The following KATNB1 variants were observed in gnomAD, a reference collection of about 807,000 sequenced individuals.
KATNB1 encodes katanin regulatory subunit B1.
Under a neutral mutation model 82.3 loss-of-function variants are expected in KATNB1, and 38 were observed. The observed-to-expected ratio is 0.46, with a 90% CI of 0.36 to 0.61. The LOEUF is 0.61. KATNB1 is among the 20% of genes least tolerant of loss of function. KATNB1 has a pLI of 0.00. For missense variants in KATNB1, 749 were observed against 915.7 expected (o/e 0.82, Z 2.35); for synonymous variants, 361 against 368.7 (o/e 0.98, Z 0.24).
chr16:57,752,022 A>G lies in KATNB1; in HGVS notation c.599A>G (p.Asn200Ser), dbSNP rs2049232571. 1.9e-6 allele frequency: 3 copies of G among 1,612,848 alleles called. No individual in the cohort carries two copies. Among genetic ancestry groups the G allele is most frequent in the Non-Finnish European group, 2.5e-6 (3 of 1,179,878 alleles). ...GTCAACGTGGTCGAGTTTCACCCCA[A>G]CGAGTACCTCCTGGCCTCCGGCAGC... The part of the protein sequence containing the change: ...GPVNVVEFHP[N>S]EYLLASGSSD... Residue 200 changes from asparagine (N) to serine (S), a missense_variant, in exon 8 of 20, where the codon AAC becomes AGC. Asn to Ser is a conservative substitution (Grantham distance 46, BLOSUM62 1). Transcript: ENST00000379661.
rs1180268155 is a variant in KATNB1 at position 57,755,084 on chromosome 16, C to A, written c.1297-35C>A. On this transcript the variant is annotated intron_variant, in intron 14 of 19. Coordinates refer to ENST00000379661, the MANE Select transcript of KATNB1 (RefSeq NM_005886.3). ...TGCCTCGGGAGGCAGAGAGGGAGGC[C>A]CCAGGCCGGCAACCGCTGAGTTTCA... The A allele has an allele frequency of 5.6e-6, 9 of 1,612,944 alleles. No homozygotes were observed. The African/African-American group carries it at 6.7e-5, about 12-fold the overall frequency.
Position 57,755,348 on chromosome 16 carries a change from G to A in KATNB1, c.1420G>A (p.Val474Met), listed in dbSNP as rs377707580. The change falls in exon 16 of 20, where the codon GTG (valine) becomes ATG (methionine). Residue 474 changes from valine to methionine, a missense_variant. Physicochemically the swap from Val to Met is conservative, Grantham distance 21 (BLOSUM62 1). Transcript: ENST00000379661. ...TCTGGGTGTCCATCCCACGCAGGCC[G>A]TGAAGATCCCCCAGCAGGCCGAGCT... ...GLKASDFLPAVKIPQQAELVD... is the reference protein window; with the variant it reads ...GLKASDFLPAMKIPQQAELVD... 22 of 1,612,988 alleles carry A rather than the reference G, an allele frequency of 1.4e-5. No homozygotes were observed. The highest frequency in any genetic ancestry group is 1.6e-4 in the Middle Eastern group (1 of 6,084).
chr16:57,741,930 C>T, intron 3 of KATNB1, 113 bp downstream of exon 3: 2 of 1,282,080 alleles, frequency 1.6e-6, no homozygotes, highest in Admixed American at 2.0e-5. Flanking sequence ...GCCCAGGGCC[C>T]CCTATCCGCT....
intron 4 of KATNB1, among the ~76,000 whole-genome samples, chr16:57,744,846 G>T (rs960997122): frequency 6.6e-6 from 1 of 152,084 alleles, no homozygotes; most frequent in Non-Finnish European, 1.5e-5. Flanking sequence ...GGCCCTGCAG[G>T]TCACATGAAT....
At chr16:57,755,278 T>C (rs782365023) in intron 15 of KATNB1, 40 bp downstream of exon 15, 7 of 1,610,616 alleles carry the variant, frequency 4.3e-6, no homozygotes, top group East Asian at 2.2e-5. Flanking sequence ...TGGAGGTCTG[T>C]GGGTGGAGGG....
chr16:57,752,724 G>T, intron 9 of KATNB1, 54 bp from the exon 10 acceptor site: 1 of 1,587,352 alleles, frequency 6.3e-7, no homozygotes, highest in South Asian at 1.1e-5. Context: ...ATTCCTCGGG[G>T]TGGGGACCAG....
At chr16:57,746,976 G>A (rs534796339) in intron 4 of KATNB1, among the ~76,000 whole-genome samples, 2 of 152,302 alleles carry the variant, frequency 1.3e-5, no homozygotes, top group Non-Finnish European at 2.9e-5. Flanking sequence ...CTGTCTCCCA[G>A]GTTTAAGCGA....
In KATNB1 at chr16:57,757,068, G is replaced by T; in HGVS notation, c.*122G>T. 1 of 1,153,700 alleles carries T rather than the reference G, an allele frequency of 8.7e-7. No homozygotes were observed. The highest frequency in any genetic ancestry group is 1.1e-6 in the Non-Finnish European group (1 of 877,050). The allele number at this position is 1,153,700 out of a possible 1,614,324, so 71.5% of individuals were successfully genotyped here. ...TGGCCCCTGCTGCTGTCCTGTGGCC[G>T]TCCTGGAGGAGGTGATGCTGGTCCC... On this transcript the variant is annotated 3_prime_UTR_variant, in exon 20 of 20. Coordinates refer to ENST00000379661, the MANE Select transcript of KATNB1 (RefSeq NM_005886.3).
rs373904702 is a variant in KATNB1 at position 57,750,938 on chromosome 16, G to A, written c.390+11G>A. The A allele has an allele frequency of 7.2e-5, 116 of 1,606,118 alleles. No homozygotes were observed. The highest frequency in any genetic ancestry group is 3.1e-4 in the East Asian group (14 of 44,844). Reference sequence around the variant, plus strand: ...GACACAAACATCAAGGTGAGAGGCCGGTCCGTGCCCCGTGTCTCCTGCTGG... The same window carrying A: ...GACACAAACATCAAGGTGAGAGGCCAGTCCGTGCCCCGTGTCTCCTGCTGG... On this transcript the variant is annotated intron_variant, in intron 5 of 19. Coordinates refer to ENST00000379661, the MANE Select transcript of KATNB1 (RefSeq NM_005886.3).
chr16:57,744,541 G>T (rs532712238), intron 4 of KATNB1, 30 bp downstream of exon 4: 31 of 1,525,778 alleles, frequency 2.0e-5, no homozygotes, highest in Non-Finnish European at 2.7e-5. Flanking sequence ...TCCTGTGCAC[G>T]CACACCTGCC....
At chr16:57,736,796 T>A in intron 1 of KATNB1, 182 bp from the exon 2 acceptor site, 1 of 353,358 alleles carries the variant, frequency 2.8e-6, no homozygotes, top group East Asian at 7.2e-5. Context: ...TTTCCTTACG[T>A]TCCAAATCAC....
chr16:57,748,661 G>A (rs1555582214), intron 4 of KATNB1, among the ~76,000 whole-genome samples: 1 of 152,116 alleles, frequency 6.6e-6, no homozygotes, highest in East Asian at 1.9e-4. Context: ...ATTGAATGTA[G>A]GCATCAGAGG....
At chr16:57,754,844 A>G in intron 13 of KATNB1, 86 bp from the exon 14 acceptor site, 1 of 1,377,636 alleles carries the variant, frequency 7.3e-7, no homozygotes, top group Non-Finnish European at 1.0e-6. Flanking sequence ...CCCATTGCAG[A>G]TGCTGCCCAG....
At chr16:57,756,538 C>T in intron 19 of KATNB1, 66 bp downstream of exon 19, 1 of 1,405,684 alleles carries the variant, frequency 7.1e-7, no homozygotes, top group Non-Finnish European at 9.9e-7. Context: ...GGCCTGGAGG[C>T]CTGGGCCCCT....
chr16:57,756,131 G>A, intron 18 of KATNB1, 65 bp downstream of exon 18: 1 of 1,543,962 alleles, frequency 6.5e-7, no homozygotes, highest in Non-Finnish European at 8.8e-7. Flanking sequence ...GCCTCCTCCA[G>A]AACCATGGGA....
intron 18 of KATNB1, 30 bp downstream of exon 18, chr16:57,756,096 A>T: frequency 6.3e-7 from 1 of 1,598,446 alleles, no homozygotes; most frequent in Non-Finnish European, 8.5e-7. Flanking sequence ...GCCTGCCTGA[A>T]GCAGGGGGAG....
chr16:57,748,471 A>ATTTT (rs1567899429), intron 4 of KATNB1, among the ~76,000 whole-genome samples: 2,284 of 141,056 alleles, frequency 0.016, 91 homozygotes, highest in African/African-American at 0.059. Flanking sequence ...ATTTTTTTAA[A>ATTTT]AAAAAAAAAA....
At chr16:57,755,656 C>T in intron 16 of KATNB1, 162 bp downstream of exon 16, 2 of 1,052,914 alleles carry the variant, frequency 1.9e-6, no homozygotes, top group Non-Finnish European at 2.7e-6. Flanking sequence ...TCATCATCAT[C>T]ACAGACTGCC....
rs78995423 is a variant in KATNB1 at position 57,736,116 on chromosome 16, G to A, written c.-267+261G>A. 1,357 of 152,690 alleles carry A rather than the reference G, an allele frequency of 8.9e-3. 16 individuals carry two copies. Among genetic ancestry groups the A allele is most frequent in the Non-Finnish European group, 0.013 (888 of 68,208 alleles). The allele number at this position is 152,690 out of a possible 1,614,324, so 9.5% of individuals were successfully genotyped here. On this transcript the variant is annotated intron_variant, in intron 1 of 19. Transcript: ENST00000379661. ...AGAGCTGGGGGTCTGCAGAAGGACA[G>A]GTAATGAATAGGGAGAAGAGAAGTA...
Sources: allele counts gnomAD v4.1 joint callset (sites outside exome capture counted in the v4.1 genomes callset), GRCh38; gene constraint gnomAD v4.1.1; transcripts MANE v1.5; gene names NCBI Gene and HGNC (gene_info 2026-07-23, HGNC 2026-07-21).